Variants in DRD2 observed in about 807,000 individuals in gnomAD.
The protein encoded by DRD2 is dopamine receptor D2, also known as D(2) dopamine receptor.
In DRD2, 8 loss-of-function variants were observed where a neutral mutation model predicts 38.0. The ratio of observed to expected loss-of-function variants is 0.21; its 90% CI spans 0.12 to 0.38. The LOEUF is 0.38. Among genes scored for constraint, DRD2 ranks in the 10% least tolerant of loss-of-function variants. The probability of loss-of-function intolerance (pLI) is 1.00; values close to 1 mark genes in which losing one functional copy is unlikely to be tolerated. For missense variants in DRD2, 403 were observed against 607.7 expected (o/e 0.66, Z 3.54); for synonymous variants, 230 against 238.6 (o/e 0.96, Z 0.33).
chr11:113,428,581 C>T (rs1384176450), intron 1 of DRD2, among the ~76,000 whole-genome samples: 3 of 152,082 alleles, frequency 2.0e-5, no homozygotes, highest in East Asian at 3.9e-4. Flanking sequence ...GTGGCTGGGG[C>T]GTTTGTGGAG....
intron 1 of DRD2, among the ~76,000 whole-genome samples, chr11:113,465,231 G>C (rs557881427): frequency 6.6e-6 from 1 of 152,046 alleles, no homozygotes; most frequent in Non-Finnish European, 1.5e-5. Flanking sequence ...CACCCCAGTA[G>C]CTGGGATTAC....
chr11:113,463,341 C>G (rs1026751639), intron 1 of DRD2, among the ~76,000 whole-genome samples: 1 of 152,170 alleles, frequency 6.6e-6, no homozygotes, highest in Non-Finnish European at 1.5e-5. Flanking sequence ...CCATCTGTGG[C>G]CATTGGGCAC....
chr11:113,467,095 G>A (rs1231822900), intron 1 of DRD2, among the ~76,000 whole-genome samples: 1 of 152,228 alleles, frequency 6.6e-6, no homozygotes, highest in Middle Eastern at 3.4e-3. Context: ...CTGGGACCCT[G>A]GAAGTTAGTT....
chr11:113,446,198 C>G (rs1046449182), intron 1 of DRD2, among the ~76,000 whole-genome samples: 2 of 152,114 alleles, frequency 1.3e-5, no homozygotes, highest in Non-Finnish European at 2.9e-5. Context: ...GCCCTGATGA[C>G]AGATCTGATA....
intron 1 of DRD2, among the ~76,000 whole-genome samples, chr11:113,459,754 G>C (rs1401098484): frequency 1.3e-5 from 2 of 152,138 alleles, no homozygotes; most frequent in African/African-American, 2.4e-5. Context: ...ATAACATATT[G>C]TATCATTAAA....
At chr11:113,427,286 T>C in intron 1 of DRD2, among the ~76,000 whole-genome samples, 1 of 152,110 alleles carries the variant, frequency 6.6e-6, no homozygotes, top group Admixed American at 6.5e-5. Flanking sequence ...CCTCTGCTTT[T>C]CCAGTCCCTA....
chr11:113,413,344 C>A (rs118039053), intron 6 of DRD2: 233 of 526,896 alleles, frequency 4.4e-4, no homozygotes, highest in Non-Finnish European at 7.0e-4. Flanking sequence ...CCTGCACCTG[C>A]GTACACACGT....
chr11:113,450,246 C>T (rs1456222057), intron 1 of DRD2, among the ~76,000 whole-genome samples: 1 of 152,186 alleles, frequency 6.6e-6, no homozygotes, highest in African/African-American at 2.4e-5. Context: ...GCACTTCCAG[C>T]TTGCATCCTC....
intron 2 of DRD2, among the ~76,000 whole-genome samples, chr11:113,419,040 C>T (rs1208047712): frequency 1.3e-5 from 2 of 152,176 alleles, no homozygotes; most frequent in Non-Finnish European, 2.9e-5. Flanking sequence ...TTTTAGAATG[C>T]CCGTGAGGAA....
chr11:113,422,633 G>T (rs936283369), intron 2 of DRD2, among the ~76,000 whole-genome samples: 2 of 152,232 alleles, frequency 1.3e-5, no homozygotes, highest in Admixed American at 6.5e-5. Flanking sequence ...TTTCCTTTTG[G>T]TTCTTCCTTA....
chr11:113,454,974 G>T (rs1460526843), intron 1 of DRD2, among the ~76,000 whole-genome samples: 1 of 152,082 alleles, frequency 6.6e-6, no homozygotes, highest in African/African-American at 2.4e-5. Context: ...CTTTATAAAA[G>T]AATCAACTTA....
At chr11:113,413,805 C>T (rs1950794562) in intron 6 of DRD2, 1 of 214,614 alleles carries the variant, frequency 4.7e-6, no homozygotes, top group African/African-American at 2.3e-5. Flanking sequence ...TGTGCTTCCG[C>T]ACCTGAGGGC....
intron 1 of DRD2, among the ~76,000 whole-genome samples, chr11:113,464,763 C>A (rs1254909158): frequency 6.6e-6 from 1 of 152,218 alleles, no homozygotes; most frequent in Non-Finnish European, 1.5e-5. Context: ...TTCATCAACA[C>A]CATCAGTCCA....
intron 6 of DRD2, chr11:113,413,391 C>G (rs1950789538): frequency 1.9e-6 from 1 of 519,472 alleles, no homozygotes; most frequent in African/African-American, 1.9e-5. Context: ...AATCTAGGTG[C>G]CAAAAGGCTG....
chr11:113,461,363 C>T (rs1951316985), intron 1 of DRD2, among the ~76,000 whole-genome samples: 1 of 152,192 alleles, frequency 6.6e-6, no homozygotes, highest in Non-Finnish European at 1.5e-5. Flanking sequence ...TCCCAGGCCT[C>T]CCATCCACCA....
chr11:113,471,023 G>A (rs569667055), intron 1 of DRD2, among the ~76,000 whole-genome samples: 1 of 152,244 alleles, frequency 6.6e-6, no homozygotes, highest in South Asian at 2.1e-4. Flanking sequence ...AAAGGAAAAA[G>A]AAAAGAAAAA....
chr11:113,425,564 C>T (rs1079597), intron 1 of DRD2, among the ~76,000 whole-genome samples: 27,862 of 152,030 alleles, frequency 0.18, 2,920 homozygotes, highest in East Asian at 0.41. Context: ...ATTCGCCTTT[C>T]GAATAGGTGA....
At chr11:113,412,966 C>T in intron 6 of DRD2, 83 bp from the exon 7 acceptor site, 1 of 1,459,444 alleles carries the variant, frequency 6.9e-7, no homozygotes, top group Non-Finnish European at 9.3e-7. Context: ...CCTCCCTTTC[C>T]CCCTCTGAAG....
intron 1 of DRD2, among the ~76,000 whole-genome samples, chr11:113,452,930 G>GT (rs563130697): frequency 2.8e-4 from 43 of 152,134 alleles, no homozygotes; most frequent in African/African-American, 1.0e-3. Context: ...AGGATTTCAG[G>GT]TGTGAGCCAC....
Sources: gnomAD v4.1 joint callset for allele counts (sites outside exome capture counted in the v4.1 genomes callset) on GRCh38, gnomAD v4.1.1 for gene constraint, MANE v1.5 for transcripts, NCBI Gene and HGNC (gene_info 2026-07-23, HGNC 2026-07-21) for gene names.